The following HDAC9 variants were observed in gnomAD, a reference collection of about 807,000 sequenced individuals.
The protein encoded by HDAC9 is MEF-2 interacting transcription repressor (MITR) protein.
In HDAC9, 41 loss-of-function variants were observed where a neutral mutation model predicts 139.4. The observed-to-expected ratio is 0.29, with a 90% CI of 0.23 to 0.38. The LOEUF is 0.38. Among genes scored for constraint, HDAC9 ranks in the 10% least tolerant of loss-of-function variants. The probability of loss-of-function intolerance (pLI) is 1.00; values close to 1 mark genes in which losing one functional copy is unlikely to be tolerated. For missense variants in HDAC9, 1,147 were observed against 1,297.0 expected (o/e 0.88, Z 1.78); for synonymous variants, 517 against 476.2 (o/e 1.09, Z -1.12).
intron 16 of HDAC9, among the ~76,000 whole-genome samples, chr7:18,784,456 A>G (rs193119026): frequency 1.7e-4 from 26 of 152,046 alleles, no homozygotes; most frequent in Admixed American, 1.2e-3. Context: ...TTAGAAGAGA[A>G]GGTTGCTACT....
chr7:18,525,064 C>T (rs1373244971), intron 2 of HDAC9, among the ~76,000 whole-genome samples: 1 of 151,822 alleles, frequency 6.6e-6, no homozygotes, highest in African/African-American at 2.4e-5. Context: ...TTTTAGTATG[C>T]TATTCATTAC....
intron 2 of HDAC9, among the ~76,000 whole-genome samples, chr7:18,227,118 A>C (rs1414518970): frequency 6.6e-6 from 1 of 152,218 alleles, no homozygotes. Context: ...GTGCATACAC[A>C]TAAGTCTTTC....
intron 1 of HDAC9, among the ~76,000 whole-genome samples, chr7:18,481,090 C>T (rs1795511965): frequency 6.6e-6 from 1 of 152,106 alleles, no homozygotes; most frequent in Non-Finnish European, 1.5e-5. Context: ...GTGCATTTGT[C>T]CATCCACTGT....
At chr7:18,229,977 AAGAG>A (rs1237792826) in intron 2 of HDAC9, among the ~76,000 whole-genome samples, 3 of 152,212 alleles carry the variant, frequency 2.0e-5, no homozygotes, top group Non-Finnish European at 4.4e-5. Flanking sequence ...GAACTTAAAT[AAGAG>A]AGAGAAAAAT....
At chr7:18,869,151 T>C (rs1393215266) in intron 21 of HDAC9, among the ~76,000 whole-genome samples, 3 of 124,158 alleles carry the variant, frequency 2.4e-5, no homozygotes, top group Non-Finnish European at 4.9e-5. Flanking sequence ...AATTGGGGTG[T>C]GTGTGTGTGT....
chr7:18,262,396 C>T (rs2128207540), intron 2 of HDAC9, among the ~76,000 whole-genome samples: 1 of 152,154 alleles, frequency 6.6e-6, no homozygotes, highest in East Asian at 1.9e-4. Context: ...AAAACTCCTC[C>T]AATTTTTAAG....
At chr7:18,718,619 G>T (rs1421775787) in intron 12 of HDAC9, among the ~76,000 whole-genome samples, 2 of 152,058 alleles carry the variant, frequency 1.3e-5, no homozygotes, top group African/African-American at 2.4e-5. Context: ...CCTTCTTACG[G>T]CTAGATAATA....
chr7:18,647,298 G>C (rs1436595536), intron 9 of HDAC9, among the ~76,000 whole-genome samples: 2 of 151,978 alleles, frequency 1.3e-5, no homozygotes, highest in Non-Finnish European at 2.9e-5. Flanking sequence ...ACATATATTT[G>C]TGGTTTACAA....
chr7:18,590,557 C>T, intron 4 of HDAC9, 71 bp downstream of exon 4: 1 of 1,455,248 alleles, frequency 6.9e-7, no homozygotes, highest in Non-Finnish European at 9.3e-7. Context: ...AGAACAAAGC[C>T]TGATAAAGAG....
intron 12 of HDAC9, among the ~76,000 whole-genome samples, chr7:18,705,817 C>T (rs534561330): frequency 7.0e-6 from 1 of 141,988 alleles, no homozygotes; most frequent in East Asian, 2.2e-4. Context: ...GGCACCATTG[C>T]ACTCCAGCCC....
intron 2 of HDAC9, among the ~76,000 whole-genome samples, chr7:18,221,795 T>C (rs1241712055): frequency 6.6e-6 from 1 of 152,150 alleles, no homozygotes; most frequent in African/African-American, 2.4e-5. Context: ...AGGGATATAA[T>C]ATCTAGTCAC....
rs533202633 is a variant in HDAC9 at position 18,756,394 on chromosome 7, G to A, written c.2044-5763G>A. On this transcript the variant is annotated intron_variant, in intron 14 of 25. Coordinates refer to ENST00000686413, the MANE Select transcript of HDAC9 (RefSeq NM_178425.4). Reference sequence around the variant, plus strand: ...GTCACAGGATAGGAATATGAGCTGTGAAAAATTCTCTTATTTTTCAATTAT... The same window carrying A: ...GTCACAGGATAGGAATATGAGCTGTAAAAAATTCTCTTATTTTTCAATTAT... 2.6e-5 allele frequency among the ~76,000 whole-genome samples: 4 copies of A among 152,310 alleles called. No homozygotes were observed. The East Asian group carries it at 7.7e-4, about 29-fold the overall frequency.
intron 1 of HDAC9, among the ~76,000 whole-genome samples, chr7:18,093,672 G>C (rs1266060107): frequency 6.6e-6 from 1 of 152,062 alleles, no homozygotes; most frequent in Non-Finnish European, 1.5e-5. Context: ...AATTAAATCA[G>C]GTAACATTAT....
intron 2 of HDAC9, among the ~76,000 whole-genome samples, chr7:18,545,822 C>G (rs1814611587): frequency 6.6e-6 from 1 of 152,162 alleles, no homozygotes; most frequent in Non-Finnish European, 1.5e-5. Context: ...ATTCGACCTA[C>G]TGGTTCACTA....
intron 1 of HDAC9, among the ~76,000 whole-genome samples, chr7:18,473,806 G>C (rs947966992): frequency 5.9e-5 from 9 of 152,198 alleles, no homozygotes; most frequent in African/African-American, 2.2e-4. Context: ...TGGTGAAATG[G>C]TGTTAAATGG....
intron 7 of HDAC9, among the ~76,000 whole-genome samples, chr7:18,630,326 A>T (rs977497166): frequency 3.3e-5 from 5 of 152,084 alleles, no homozygotes; most frequent in Admixed American, 2.0e-4. Flanking sequence ...AACTGTGCTT[A>T]TACCAATGTG....
chr7:18,497,971 T>C (rs1797369531), intron 2 of HDAC9, among the ~76,000 whole-genome samples: 1 of 152,152 alleles, frequency 6.6e-6, no homozygotes. Flanking sequence ...ATTGTCATTT[T>C]CCTAGCATTT....
chr7:18,634,816 TGA>T (rs966290858), intron 8 of HDAC9, 74 bp downstream of exon 8: 73 of 850,496 alleles, frequency 8.6e-5, no homozygotes, highest in Admixed American at 3.8e-4. Flanking sequence ...GTGATATTTC[TGA>T]GTTGACCTTC....
At chr7:18,541,151 T>TTTG (rs1554482418) in intron 2 of HDAC9, among the ~76,000 whole-genome samples, 2 of 147,432 alleles carry the variant, frequency 1.4e-5, no homozygotes, top group Non-Finnish European at 3.0e-5. Flanking sequence ...GTTTTTTTTT[T>TTTG]TTTTTTTTTT....
Sources: gnomAD v4.1 joint callset for allele counts (sites outside exome capture counted in the v4.1 genomes callset) on GRCh38, gnomAD v4.1.1 for gene constraint, MANE v1.5 for transcripts, NCBI Gene and HGNC (gene_info 2026-07-23, HGNC 2026-07-21) for gene names.